EXOC6B: variants seen among roughly 807,000 people sequenced by gnomAD.
EXOC6B encodes exocyst complex component 6B, also known as SEC15 homolog B.
EXOC6B carries 54 observed loss-of-function variants against 113.5 expected under a neutral mutation model. The observed-to-expected ratio is 0.48, with a 90% CI of 0.38 to 0.60. The LOEUF is 0.60. Ranked by LOEUF, EXOC6B falls within the 20% of genes least tolerant of loss-of-function variation. The probability of loss-of-function intolerance (pLI) is 0.00; values close to 1 mark genes in which losing one functional copy is unlikely to be tolerated. For missense variants in EXOC6B, 797 were observed against 977.5 expected (o/e 0.82, Z 2.46); for synonymous variants, 357 against 339.0 (o/e 1.05, Z -0.58).
At chr2:72,207,770 T>C (rs1215090648) in intron 20 of EXOC6B, among the ~76,000 whole-genome samples, 1 of 152,318 alleles carries the variant, frequency 6.6e-6, no homozygotes, top group Non-Finnish European at 1.5e-5. Flanking sequence ...CAACAAGCTT[T>C]AGGTTTATCA....
chr2:72,769,096 A>T (rs566785118), intron 1 of EXOC6B, among the ~76,000 whole-genome samples: 1 of 152,224 alleles, frequency 6.6e-6, no homozygotes, highest in Non-Finnish European at 1.5e-5. Context: ...AAAATGGTTA[A>T]AATGGTAAAG....
intron 8 of EXOC6B, among the ~76,000 whole-genome samples, chr2:72,550,002 A>G (rs542444302): frequency 3.3e-5 from 5 of 152,184 alleles, no homozygotes; most frequent in Non-Finnish European, 7.4e-5. Flanking sequence ...AACAGAAGAT[A>G]AATATACAGG....
At chr2:72,682,800 A>G (rs1031563918) in intron 6 of EXOC6B, among the ~76,000 whole-genome samples, 3 of 152,172 alleles carry the variant, frequency 2.0e-5, no homozygotes, top group African/African-American at 4.8e-5. Flanking sequence ...AAGCTATTCC[A>G]TGGTATTATC....
At chr2:72,454,197 T>C (rs780255820) in intron 18 of EXOC6B, among the ~76,000 whole-genome samples, 1 of 152,118 alleles carries the variant, frequency 6.6e-6, no homozygotes, top group Non-Finnish European at 1.5e-5. Flanking sequence ...ATATCTAACA[T>C]ATTCTCACTG....
intron 1 of EXOC6B, among the ~76,000 whole-genome samples, chr2:72,799,995 G>A (rs1685192765): frequency 1.3e-5 from 2 of 152,092 alleles, no homozygotes; most frequent in African/African-American, 4.8e-5. Context: ...AGCCCTGGAG[G>A]CAGAGGCTGC....
At chr2:72,653,695 G>A (rs1018714425) in intron 6 of EXOC6B, among the ~76,000 whole-genome samples, 2 of 149,650 alleles carry the variant, frequency 1.3e-5, no homozygotes, top group Non-Finnish European at 2.9e-5. Flanking sequence ...TCTAAAAGAG[G>A]TACAATATTA....
At chr2:72,404,514 C>T (rs1693589887) in intron 18 of EXOC6B, among the ~76,000 whole-genome samples, 1 of 152,156 alleles carries the variant, frequency 6.6e-6, no homozygotes, top group African/African-American at 2.4e-5. Context: ...ACAAAACTTC[C>T]AGAGGAACCA....
At chr2:72,329,752 C>T (rs750955880) in intron 20 of EXOC6B, among the ~76,000 whole-genome samples, 5 of 152,024 alleles carry the variant, frequency 3.3e-5, no homozygotes, top group Admixed American at 1.3e-4. Flanking sequence ...GTTTTCCTAA[C>T]GGGTGTTAAC....
At chr2:72,529,528 T>C (rs1455781157) in intron 8 of EXOC6B, among the ~76,000 whole-genome samples, 1 of 152,242 alleles carries the variant, frequency 6.6e-6, no homozygotes, top group African/African-American at 2.4e-5. Flanking sequence ...AGAGATTCTA[T>C]AGAACTGGTG....
chr2:72,526,646 A>C (rs1432757315), intron 8 of EXOC6B, among the ~76,000 whole-genome samples: 1 of 151,954 alleles, frequency 6.6e-6, no homozygotes, highest in Non-Finnish European at 1.5e-5. Flanking sequence ...GAAACTGACC[A>C]ATTTAGAATC....
intron 6 of EXOC6B, among the ~76,000 whole-genome samples, chr2:72,588,678 A>C (rs1316299178): frequency 6.6e-6 from 1 of 152,056 alleles, no homozygotes; most frequent in Admixed American, 6.5e-5. Flanking sequence ...AAAATCAATT[A>C]ATAATTTTAA....
intron 18 of EXOC6B, among the ~76,000 whole-genome samples, chr2:72,404,774 A>C (rs1693609237): frequency 6.6e-6 from 1 of 152,218 alleles, no homozygotes; most frequent in Non-Finnish European, 1.5e-5. Context: ...AGAGTAGAAA[A>C]ACTGGAAAGT....
chr2:72,559,926 C>T, intron 7 of EXOC6B, among the ~76,000 whole-genome samples: 1 of 152,212 alleles, frequency 6.6e-6, no homozygotes, highest in African/African-American at 2.4e-5. Flanking sequence ...TTTTAGTAGT[C>T]AAAAACAAAA....
chr2:72,388,921 C>T (rs1692213269), intron 18 of EXOC6B, among the ~76,000 whole-genome samples: 1 of 152,112 alleles, frequency 6.6e-6, no homozygotes, highest in Non-Finnish European at 1.5e-5. Context: ...CTTGCTATTA[C>T]TTCTGACCAA....
intron 20 of EXOC6B, among the ~76,000 whole-genome samples, chr2:72,266,376 T>C (rs1232669000): frequency 2.1e-4 from 32 of 149,632 alleles, no homozygotes; most frequent in African/African-American, 7.3e-4. Flanking sequence ...TCTAGGGTTT[T>C]TATGGTTTTA....
chr2:72,313,383 T>TA (rs1013036003), intron 20 of EXOC6B, among the ~76,000 whole-genome samples: 3 of 152,090 alleles, frequency 2.0e-5, no homozygotes, highest in East Asian at 1.9e-4. Context: ...AAATAAAAGT[T>TA]AAAAAAATTC....
rs1553468177 is a variant in EXOC6B, at chr2:72,224,819, T to TGTGC, written c.2197-40633_2197-40632insGCAC. ...TAATCTGTGTGTGTGTGTGTGTGTGTGCGTGTGTGTATGTGTGTATGTGTG... is the reference window on the plus strand; with the variant it reads ...TAATCTGTGTGTGTGTGTGTGTGTGTGTGCGCGTGTGTGTATGTGTGTATGTGTG... On this transcript the variant is annotated intron_variant, in intron 20 of 21. Transcript: ENST00000272427. Among the ~76,000 whole-genome samples, 353 of 150,244 alleles carry TGTGC rather than the reference T, an allele frequency of 2.3e-3. 1 individual carries two copies. Among genetic ancestry groups the TGTGC allele is most frequent in the African/African-American group, 8.0e-3 (326 of 40,698 alleles).
chr2:72,450,228 A>C (rs1696831045), intron 18 of EXOC6B, among the ~76,000 whole-genome samples: 2 of 152,350 alleles, frequency 1.3e-5, no homozygotes, highest in South Asian at 4.1e-4. Flanking sequence ...AAGAGATCTT[A>C]AAGAAATAGA....
chr2:72,457,466 G>A (rs1449605920), intron 18 of EXOC6B, among the ~76,000 whole-genome samples: 1 of 151,948 alleles, frequency 6.6e-6, no homozygotes, highest in Admixed American at 6.6e-5. Flanking sequence ...ACAAACCAAG[G>A]TCGGCTATGA....
Sources: allele counts gnomAD v4.1 joint callset (sites outside exome capture counted in the v4.1 genomes callset), GRCh38; gene constraint gnomAD v4.1.1; transcripts MANE v1.5; gene names NCBI Gene and HGNC (gene_info 2026-07-23, HGNC 2026-07-21).